The following BRINP3 variants were observed in gnomAD, a reference collection of about 807,000 sequenced individuals.
BRINP3 encodes BMP/retinoic acid-inducible neural-specific protein 3.
In BRINP3, 19 loss-of-function variants were observed where a neutral mutation model predicts 71.0. The ratio of observed to expected loss-of-function variants is 0.27; its 90% CI spans 0.19 to 0.39. BRINP3 has a LOEUF of 0.39. BRINP3 is among the 10% of genes least tolerant of loss of function. BRINP3 has a pLI of 1.00. For synonymous variants in BRINP3, 380 were observed against 337.7 expected, an observed-to-expected ratio of 1.13 and a Z score of -1.37; for missense variants, 959 against 940.8, an observed-to-expected ratio of 1.02 and a Z score of -0.25.
chr1:190,332,655 T>C (rs972008802), intron 2 of BRINP3, among the ~76,000 whole-genome samples: 1 of 152,002 alleles, frequency 6.6e-6, no homozygotes, highest in African/African-American at 2.4e-5. Context: ...ATTTCCTTTT[T>C]GGCAATACCT....
At chr1:190,213,990 C>T (rs1423110676) in intron 6 of BRINP3, among the ~76,000 whole-genome samples, 1 of 152,008 alleles carries the variant, frequency 6.6e-6, no homozygotes, top group Non-Finnish European at 1.5e-5. Flanking sequence ...CAGGCATATT[C>T]TCCAATTCTC....
At chr1:190,470,515 T>TA (rs910503402) in intron 1 of BRINP3, among the ~76,000 whole-genome samples, 9 of 151,074 alleles carry the variant, frequency 6.0e-5, no homozygotes, top group African/African-American at 2.2e-4. Flanking sequence ...CTGAGTTAAT[T>TA]AGGGTTTAGG....
intron 1 of BRINP3, among the ~76,000 whole-genome samples, chr1:190,459,958 C>T (rs1676272409): frequency 1.3e-5 from 2 of 151,816 alleles, no homozygotes; most frequent in South Asian, 4.1e-4. Flanking sequence ...CCCTGTCTCT[C>T]TCCCTCTCAT....
At chr1:190,407,987 T>G (rs1350185803) in intron 2 of BRINP3, among the ~76,000 whole-genome samples, 2 of 150,236 alleles carry the variant, frequency 1.3e-5, no homozygotes, top group African/African-American at 2.4e-5. Context: ...CTTTCTTTTC[T>G]ACATTTGATG....
intron 2 of BRINP3, among the ~76,000 whole-genome samples, chr1:190,392,548 T>G (rs576181480): frequency 6.6e-6 from 1 of 151,682 alleles, no homozygotes; most frequent in African/African-American, 2.4e-5. Flanking sequence ...GGGTGGAACA[T>G]GTTTAAAGGG....
intron 2 of BRINP3, among the ~76,000 whole-genome samples, chr1:190,357,460 C>T (rs1472886686): frequency 4.0e-5 from 6 of 151,824 alleles, no homozygotes; most frequent in African/African-American, 1.5e-4. Context: ...AGTTTGGGTG[C>T]TGAATTTATG....
Position 190,193,494 on chromosome 1 carries a change from G to A in BRINP3, c.961+32588C>T, listed in dbSNP as rs76726909. Among the ~76,000 whole-genome samples the A allele has an allele frequency of 5.7e-3, 860 of 152,064 alleles. 59 individuals carry two copies. The East Asian group carries it at 0.14, about 25-fold the overall frequency. On this transcript the variant is annotated intron_variant, in intron 6 of 7. Coordinates refer to ENST00000367462, the MANE Select transcript of BRINP3 (RefSeq NM_199051.3). ...ATTTACTATTTTGGTGATTGTGGTA[G>A]GCTGAAAAATGCCCCTCCCCAAAAA... is the stretch of plus-strand genomic sequence containing the variant.
rs529357050 is a variant in BRINP3, at chr1:190,255,868, G to A, written c.618+8997C>T. 1.7e-4 allele frequency among the ~76,000 whole-genome samples: 25 copies of A among 148,024 alleles called. No homozygotes were observed. In the South Asian group the frequency reaches 2.5e-3, roughly 15 times the overall value. The stretch of plus-strand genomic sequence containing the variant: ...TGCTTCTCTAGTTCTTTTAATTGTG[G>A]ATTTTAGATCTTTCCTGCTTTCTCT... On this transcript the variant is annotated intron_variant, in intron 4 of 7. Transcript: ENST00000367462.
At chr1:190,222,938 C>T (rs531348388) in intron 6 of BRINP3, among the ~76,000 whole-genome samples, 5 of 151,774 alleles carry the variant, frequency 3.3e-5, no homozygotes, top group African/African-American at 1.2e-4. Flanking sequence ...TGAATAAATT[C>T]CTGGACACAC....
Position 190,476,183 on chromosome 1 carries a change from T to TA in BRINP3, c.-51+1264dup, listed in dbSNP as rs570479243. On this transcript the variant is annotated intron_variant, in intron 1 of 7. Transcript: ENST00000367462. ...TGGGAGCTAAAAGGGCTTTTGAATT[T>TA]AAAAAAACATTGCTTGGGTTGTCGC... is the stretch of plus-strand genomic sequence containing the variant. Among the ~76,000 whole-genome samples the TA allele has an allele frequency of 1.1e-4, 16 of 147,064 alleles. No individual in the cohort carries two copies. In the South Asian group the frequency reaches 1.7e-3, roughly 16 times the overall value.
chr1:190,366,048 T>C (rs1287581426), intron 2 of BRINP3, among the ~76,000 whole-genome samples: 1 of 151,776 alleles, frequency 6.6e-6, no homozygotes, highest in African/African-American at 2.4e-5. Context: ...AAAAATAGCT[T>C]CTCCTTAGAA....
chr1:190,281,809 G>A, intron 2 of BRINP3, 59 bp from the exon 3 acceptor site: 2 of 1,503,150 alleles, frequency 1.3e-6, no homozygotes, highest in Non-Finnish European at 1.8e-6. Context: ...GTTTTCATTT[G>A]AGTTCACTTG....
chr1:190,176,930 C>T (rs1262594973), intron 6 of BRINP3, among the ~76,000 whole-genome samples: 1 of 152,128 alleles, frequency 6.6e-6, no homozygotes. Flanking sequence ...CAAACACAGC[C>T]ATTAGTCATC....
intron 3 of BRINP3, among the ~76,000 whole-genome samples, chr1:190,271,134 A>G (rs887236397): frequency 6.6e-6 from 1 of 151,642 alleles, no homozygotes; most frequent in Non-Finnish European, 1.5e-5. Flanking sequence ...TGCAACATTA[A>G]TTGAAAATCT....
intron 2 of BRINP3, among the ~76,000 whole-genome samples, chr1:190,444,769 G>C (rs1475069017): frequency 1.3e-5 from 2 of 152,136 alleles, no homozygotes; most frequent in Admixed American, 6.5e-5. Flanking sequence ...TTCCTGACCT[G>C]GTGATCTGTC....
intron 7 of BRINP3, among the ~76,000 whole-genome samples, chr1:190,138,204 T>G (rs1453779240): frequency 6.6e-6 from 1 of 152,144 alleles, no homozygotes; most frequent in Non-Finnish European, 1.5e-5. Flanking sequence ...TCTGCCCACC[T>G]TGGCCTCCCA....
At chr1:190,146,542 T>C (rs1255371510) in intron 7 of BRINP3, among the ~76,000 whole-genome samples, 1 of 150,820 alleles carries the variant, frequency 6.6e-6, no homozygotes, top group African/African-American at 2.5e-5. Flanking sequence ...TCAAATAGAT[T>C]GTTTGAGTTT....
At chr1:190,181,260 G>C (rs1172846732) in intron 6 of BRINP3, among the ~76,000 whole-genome samples, 2 of 151,934 alleles carry the variant, frequency 1.3e-5, no homozygotes, top group East Asian at 1.9e-4. Context: ...GTTCATTCTT[G>C]TTATTGATGA....
intron 2 of BRINP3, among the ~76,000 whole-genome samples, chr1:190,438,538 T>G (rs2102544895): frequency 6.6e-6 from 1 of 152,010 alleles, no homozygotes; most frequent in Admixed American, 6.6e-5. Flanking sequence ...GAAGCTTGAC[T>G]TGTAGCTTAT....
Sources: gnomAD v4.1 joint callset for allele counts (sites outside exome capture counted in the v4.1 genomes callset) on GRCh38, gnomAD v4.1.1 for gene constraint, MANE v1.5 for transcripts, NCBI Gene and HGNC (gene_info 2026-07-23, HGNC 2026-07-21) for gene names.